The following PNKD variants were observed in gnomAD, a reference collection of about 807,000 sequenced individuals.
PNKD encodes PNKD metallo-beta-lactamase domain containing.
PNKD carries 36 observed loss-of-function variants against 45.3 expected under a neutral mutation model. That is an observed-to-expected ratio of 0.80 (90% confidence interval 0.61 to 1.05). The LOEUF is 1.05. PNKD is among the 50% of genes least tolerant of loss of function. PNKD has a pLI of 0.00. For missense variants in PNKD, 511 were observed against 506.6 expected (o/e 1.01, Z -0.08); for synonymous variants, 197 against 210.1 (o/e 0.94, Z 0.54).
chr2:218,320,133 G>A (rs1348904725), intron 2 of PNKD, among the ~76,000 whole-genome samples: 2 of 152,256 alleles, frequency 1.3e-5, no homozygotes, highest in East Asian at 3.8e-4. Flanking sequence ...ACATTTCAAA[G>A]AACGTTTGTG....
At chr2:218,298,533 T>A (rs1300868507) in intron 2 of PNKD, among the ~76,000 whole-genome samples, 1 of 152,172 alleles carries the variant, frequency 6.6e-6, no homozygotes, top group Admixed American at 6.5e-5. Context: ...GAATGAAAAA[T>A]AGCAGTTGTC....
intron 2 of PNKD, chr2:218,277,831 A>G (rs2106193952): frequency 6.4e-7 from 1 of 1,562,916 alleles, no homozygotes; most frequent in Non-Finnish European, 8.8e-7. Context: ...GATAAGGTGG[A>G]GGAGACAGCC....
chr2:218,294,748 G>A (rs1693102524), intron 2 of PNKD, among the ~76,000 whole-genome samples: 1 of 152,198 alleles, frequency 6.6e-6, no homozygotes, highest in Admixed American at 6.5e-5. Context: ...AAAGTGCTGG[G>A]ATTATAGGCG....
At chr2:218,276,553 G>C (rs1329420484) in intron 2 of PNKD, among the ~76,000 whole-genome samples, 2 of 152,160 alleles carry the variant, frequency 1.3e-5, no homozygotes, top group Non-Finnish European at 2.9e-5. Flanking sequence ...GCTGGCCCAT[G>C]GGCAGGCAGC....
intron 2 of PNKD, among the ~76,000 whole-genome samples, chr2:218,285,206 T>C (rs567013216): frequency 6.6e-6 from 1 of 152,342 alleles, no homozygotes; most frequent in African/African-American, 2.4e-5. Flanking sequence ...AGCAAGTTAA[T>C]ACTGTTATTA....
chr2:218,340,713 T>C lies in PNKD; in HGVS notation c.466-15T>C, dbSNP rs757708486. On this transcript the variant is annotated splice_polypyrimidine_tract_variant and intron_variant, in intron 4 of 9. Coordinates refer to ENST00000273077, the MANE Select transcript of PNKD (RefSeq NM_015488.5). This position sits in a 1 kb window ranked among gnomAD's most constrained non-coding sequence, Gnocchi z 4.2. The stretch of plus-strand genomic sequence containing the variant: ...CATCCTGCTCCCCAGTCTCCAAACC[T>C]CCTCTCTCTCGCAGGCTTCCATTGA... 4 of 1,610,908 alleles carry C rather than the reference T, an allele frequency of 2.5e-6. No individual in the cohort carries two copies. The highest frequency in any genetic ancestry group is 3.4e-6 in the Non-Finnish European group (4 of 1,177,416).
In PNKD at chr2:218,278,394, T is replaced by G. The variant is rs1691479535; in HGVS notation, c.236+6845T>G. 3.9e-6 allele frequency: 4 copies of G among 1,037,362 alleles called. No homozygotes were observed. The South Asian group carries it at 5.4e-5, about 14-fold the overall frequency. The allele number at this position is 1,037,362 out of a possible 1,614,324, so 64.3% of individuals were successfully genotyped here. A position where few individuals can be genotyped will look rare whatever the true frequency, so the allele number is the denominator to read the frequency against. Reference sequence around the variant, plus strand: ...TGAACAGTAGCTGTCATCGTCATCCTCCTCCTCATTTCTTGTAAGTTTCCA... The same window carrying G: ...TGAACAGTAGCTGTCATCGTCATCCGCCTCCTCATTTCTTGTAAGTTTCCA... On this transcript the variant is annotated intron_variant, in intron 2 of 9. Transcript: ENST00000273077.
In PNKD at chr2:218,308,151, G is replaced by A. The variant is rs138534780; in HGVS notation, c.237-31632G>A. On this transcript the variant is annotated intron_variant, in intron 2 of 9. Coordinates refer to ENST00000273077, the MANE Select transcript of PNKD (RefSeq NM_015488.5). ...ATAATAAACAAATGGTACCCCATGA[G>A]TCAATCAACCAAAGATTATGACTGG... Among the ~76,000 whole-genome samples, 687 of 150,756 alleles carry A rather than the reference G, an allele frequency of 4.6e-3. 8 individuals are homozygous for A. The highest frequency in any genetic ancestry group is 0.016 in the African/African-American group (640 of 41,156).
intron 2 of PNKD, chr2:218,279,074 A>G (rs1369035695): frequency 6.2e-7 from 1 of 1,614,076 alleles, no homozygotes; most frequent in Non-Finnish European, 8.5e-7. Context: ...TCTCCTCACA[A>G]AGGCGCTGAC....
At position 218,327,313 on chromosome 2, in the gene PNKD, C is replaced by T. The variant is rs562558149; in HGVS notation, c.237-12470C>T. On this transcript the variant is annotated intron_variant, in intron 2 of 9. Transcript: ENST00000273077. ...GCCGTTATCTGGGGCCAATGCGTCCCACTGGCTTGATTTCAAGAGTGGCAG... is the reference window on the plus strand; with the variant it reads ...GCCGTTATCTGGGGCCAATGCGTCCTACTGGCTTGATTTCAAGAGTGGCAG... Among the ~76,000 whole-genome samples, 19 of 152,288 alleles carry T rather than the reference C, an allele frequency of 1.2e-4. 1 individual carries two copies. Among genetic ancestry groups the T allele is most frequent in the Admixed American group, 9.2e-4 (14 of 15,296 alleles).
At chr2:218,335,214 G>C (rs1202814945) in intron 2 of PNKD, among the ~76,000 whole-genome samples, 1 of 152,118 alleles carries the variant, frequency 6.6e-6, no homozygotes, top group African/African-American at 2.4e-5. Context: ...GGGCGCGGTG[G>C]CTCACGCCAG....
intron 9 of PNKD, 36 bp from the exon 10 acceptor site, chr2:218,344,772 C>T: frequency 2.5e-6 from 4 of 1,605,728 alleles, no homozygotes; most frequent in Non-Finnish European, 3.4e-6. Flanking sequence ...CATTTCCCAG[C>T]TTCTCTCCAC....
In PNKD at chr2:218,340,260, A is replaced by G; in HGVS notation, c.465+119A>G. ...CCGTGGGATGTGTCCCATATGCTCC[A>G]TGTTCACACGTGCACATGCGCACAC... On this transcript the variant is annotated intron_variant, in intron 4 of 9. Coordinates refer to ENST00000273077, the MANE Select transcript of PNKD (RefSeq NM_015488.5). The surrounding 1 kb of genome is among the most constrained non-coding windows in gnomAD (Gnocchi z 4.2). The G allele has an allele frequency of 1.4e-6, 1 of 710,868 alleles. No homozygotes were observed. The highest frequency in any genetic ancestry group is 2.6e-4 in the Middle Eastern group (1 of 3,838). 44.0% of individuals were successfully genotyped at this position (710,868 alleles called of 1,614,324 possible).
At chr2:218,324,942 CA>C (rs1157847588) in intron 2 of PNKD, among the ~76,000 whole-genome samples, 1 of 80,262 alleles carries the variant, frequency 1.2e-5, no homozygotes. Context: ...TCTCAAAAAA[CA>C]AAAAAAAGAA....
intron 2 of PNKD, chr2:218,323,363 CTGCCGAGCGCGGCGGGGCCTCCGCGGT>C (rs1240026083): frequency 1.9e-6 from 3 of 1,582,044 alleles, no homozygotes; most frequent in Non-Finnish European, 1.7e-6. Flanking sequence ...GCCCCCGCGG[CTGCCGAGCGCGGCGGGGCCTCCGCGGT>C]CTGCTCATGG....
At chr2:218,278,970 C>G in intron 2 of PNKD, 1 of 1,584,622 alleles carries the variant, frequency 6.3e-7, no homozygotes, top group Admixed American at 1.7e-5. Flanking sequence ...CTGAGCAAAG[C>G]TGGTCACCTA....
chr2:218,294,534 A>G (rs1189911913), intron 2 of PNKD, among the ~76,000 whole-genome samples: 3 of 152,178 alleles, frequency 2.0e-5, no homozygotes, highest in Non-Finnish European at 2.9e-5. Context: ...ACTCTGTGCA[A>G]TGGCACAATT....
At chr2:218,315,189 T>A (rs1559521503) in intron 2 of PNKD, among the ~76,000 whole-genome samples, 1 of 150,532 alleles carries the variant, frequency 6.6e-6, no homozygotes, top group African/African-American at 2.5e-5. Flanking sequence ...GTCACCAGGC[T>A]GGAGTGCAGT....
chr2:218,277,728 T>TG (rs1553657083), intron 2 of PNKD: 5 of 1,608,400 alleles, frequency 3.1e-6, no homozygotes. Context: ...GGCAGGGTGC[T>TG]GGGGGAGTGG....
Sources: allele counts gnomAD v4.1 joint callset (sites outside exome capture counted in the v4.1 genomes callset), GRCh38; gene constraint gnomAD v4.1.1; non-coding constraint Gnocchi (gnomAD v3.1); transcripts MANE v1.5; gene names NCBI Gene and HGNC (gene_info 2026-07-23, HGNC 2026-07-21).